The following CHERP variants were observed in gnomAD, a reference collection of about 807,000 sequenced individuals.
CHERP encodes calcium homeostasis endoplasmic reticulum protein.
Under a neutral mutation model 113.8 loss-of-function variants are expected in CHERP, and 8 were observed. That is an observed-to-expected ratio of 0.07 (90% CI 0.04 to 0.13). The LOEUF (loss-of-function observed/expected upper bound fraction) is 0.13, where lower values mean the gene tolerates loss of function less well. Ranked by LOEUF, CHERP falls within the 10% of genes least tolerant of loss-of-function variation. The pLI is 1.00. For synonymous variants in CHERP, 559 were observed against 524.5 expected, an observed-to-expected ratio of 1.07 and a Z score of -0.90; for missense variants, 884 against 1,298.2, an observed-to-expected ratio of 0.68 and a Z score of 4.90.
chr19:16,536,138 C>T (rs1283514048), intron 2 of CHERP, among the ~76,000 whole-genome samples: 7 of 152,352 alleles, frequency 4.6e-5, no homozygotes, highest in East Asian at 3.9e-4. Context: ...CACCCCCGAG[C>T]GCACACTGCG....
intron 5 of CHERP, 182 bp from the exon 6 acceptor site, chr19:16,531,062 C>T (rs1345590953): frequency 2.8e-5 from 31 of 1,096,322 alleles, no homozygotes; most frequent in East Asian, 2.3e-4. Context: ...GAGGAAGGGA[C>T]AGATGGAAAA....
rs371011161 is a variant in CHERP, at chr19:16,523,257, C to T, written c.1775G>A (p.Arg592His). The change falls in exon 11 of 17, where the codon CGC becomes CAC. Residue 592 changes from arginine (R) to histidine (H), a missense_variant. Physicochemically the swap from Arg to His is conservative, Grantham distance 29 (BLOSUM62 0). This residue lies in a region of CHERP where 464 missense variants were observed against 590.1 expected (regional missense o/e 0.79). Transcript: ENST00000546361. This position sits in a 1 kb window ranked among gnomAD's most constrained non-coding sequence, Gnocchi z 4.0. ...CTCGTTGATGCCAGGATGAGGCATG[C>T]GGTGGCCAGGGTGGTGGTGAGGGGG... ...MGPPHHHPGHRMPHPGINEHP... is the reference protein window; with the variant it reads ...MGPPHHHPGHHMPHPGINEHP... The T allele has an allele frequency of 3.1e-6, 5 of 1,602,196 alleles. No homozygotes were observed. Among genetic ancestry groups the T allele is most frequent in the East Asian group, 2.3e-5 (1 of 43,174 alleles).
In CHERP at chr19:16,525,780, G is replaced by A. The variant is rs74324120; in HGVS notation, c.1306-103C>T. ...TCACAGCGCTGGCTCAGACCATGGA[G>A]GCGCTGCCCTGGCCACGTTGAGGCG... On this transcript the variant is annotated intron_variant, in intron 9 of 16. Transcript: ENST00000546361. This position sits in a 1 kb window ranked among gnomAD's most constrained non-coding sequence, Gnocchi z 6.5. The A allele has an allele frequency of 2.4e-3, 2,816 of 1,161,332 alleles. 40 individuals carry two copies. The East Asian group carries it at 0.034, about 14-fold the overall frequency. The allele number at this position is 1,161,332 out of a possible 1,614,324, so 71.9% of individuals were successfully genotyped here.
At position 16,518,410 on chromosome 19, in the gene CHERP, G is replaced by C. The variant is rs1162623184; in HGVS notation, c.*749C>G. The stretch of plus-strand genomic sequence containing the variant: ...AGTGTCTTAGGCTGGTTTCCTGTTA[G>C]AATCTTGTTTCCCAGATAACAGCAA... On this transcript the variant is annotated 3_prime_UTR_variant, in exon 17 of 17. Transcript: ENST00000546361. 6.6e-6 allele frequency: 1 copy of C among 152,112 alleles called. No homozygotes were observed. Among genetic ancestry groups the C allele is most frequent in the African/African-American group, 2.4e-5 (1 of 41,430 alleles). The allele number at this position is 152,112 out of a possible 1,614,324, so 9.4% of individuals were successfully genotyped here. A position where few individuals can be genotyped will look rare whatever the true frequency, so the allele number is the denominator to read the frequency against.
At position 16,520,204 on chromosome 19, in the gene CHERP, T is replaced by TGGACCGGGACCGCGACTG; in HGVS notation, c.2389_2406dup (p.Gln797_Ser802dup). ...CGTCTTCTTCCTGGGGAGTACGACT[T>TGGACCGGGACCGCGACTG]GGACCGGGACCGCGACTGGGACCGG... On this transcript the variant is annotated inframe_insertion, in exon 15 of 17. Coordinates refer to ENST00000546361, the MANE Select transcript of CHERP (RefSeq NM_006387.6). The surrounding 1 kb of genome is among the most constrained non-coding windows in gnomAD (Gnocchi z 4.0). 6.2e-7 allele frequency: 1 copy of TGGACCGGGACCGCGACTG among 1,613,306 alleles called. No homozygotes were observed. Among genetic ancestry groups the TGGACCGGGACCGCGACTG allele is most frequent in the East Asian group, 2.2e-5 (1 of 44,864 alleles).
intron 12 of CHERP, 142 bp downstream of exon 12, chr19:16,521,379 C>T (rs1308401810): frequency 4.3e-6 from 3 of 697,606 alleles, no homozygotes; most frequent in Admixed American, 6.2e-5. Flanking sequence ...GCCTGTGACA[C>T]ACACTTGTCA....
chr19:16,525,152 T>C lies in CHERP; in HGVS notation c.1741+90A>G, dbSNP rs927203407. 7 of 1,229,606 alleles carry C rather than the reference T, an allele frequency of 5.7e-6. No individual in the cohort carries two copies. The highest frequency in any genetic ancestry group is 4.8e-5 in the African/African-American group (3 of 62,312). 76.2% of individuals were successfully genotyped at this position (1,229,606 alleles called of 1,614,324 possible). A position where few individuals can be genotyped will look rare whatever the true frequency, so the allele number is the denominator to read the frequency against. On this transcript the variant is annotated intron_variant, in intron 10 of 16. Transcript: ENST00000546361. This position sits in a 1 kb window ranked among gnomAD's most constrained non-coding sequence, Gnocchi z 6.5. The stretch of plus-strand genomic sequence containing the variant: ...GTCTGTCACTGTGCACTCAGGAGCA[T>C]GGCAGGGCCACAAGCAGCGCCACCA...
At chr19:16,521,431 A>G in intron 12 of CHERP, 90 bp downstream of exon 12, 2 of 1,321,452 alleles carry the variant, frequency 1.5e-6, no homozygotes, top group Non-Finnish European at 2.0e-6. Flanking sequence ...GGACAGCCAC[A>G]TTTTCTAGCC....
chr19:16,521,210 C>T (rs2085611724), intron 12 of CHERP: 1 of 575,322 alleles, frequency 1.7e-6, no homozygotes, highest in Non-Finnish European at 3.1e-6. Flanking sequence ...GACAGGCCTG[C>T]AGCCCAGCAC....
Position 16,520,411 on chromosome 19 carries a change from C to G in CHERP, c.2298G>C (p.Arg766Ser), listed in dbSNP as rs2085600461. Residue 766 changes from arginine (R) to serine (S), a missense_variant, in exon 14 of 17, where the codon AGG becomes AGC. Coordinates refer to ENST00000546361, the MANE Select transcript of CHERP (RefSeq NM_006387.6). The surrounding 1 kb of genome is among the most constrained non-coding windows in gnomAD (Gnocchi z 4.0). ...RSSKSSGSYSRSRSRSCSRSY... is the reference protein window; with the variant it reads ...RSSKSSGSYSSSRSRSCSRSY... ...AACGGGAGCAGGAGCGCGACCTTGA[C>G]CTTGAGTACGAGCCTGAAGACTTGG... is the stretch of plus-strand genomic sequence containing the variant. 6.2e-7 allele frequency: 1 copy of G among 1,613,966 alleles called. No individual in the cohort carries two copies. Among genetic ancestry groups the G allele is most frequent in the Non-Finnish European group, 8.5e-7 (1 of 1,179,996 alleles).
At chr19:16,542,186 A>C in intron 1 of CHERP, 143 bp from the exon 2 acceptor site, 1 of 1,103,804 alleles carries the variant, frequency 9.1e-7, no homozygotes, top group Non-Finnish European at 1.2e-6. Context: ...GGGTCCCGAT[A>C]GGGGCCACAC....
rs991873053 is a variant in CHERP, at chr19:16,533,020, G to A, written c.513C>T (p.Asp171=). The A allele has an allele frequency of 3.8e-6, 6 of 1,567,468 alleles. 1 individual carries two copies. The highest frequency in any genetic ancestry group is 1.4e-5 in the African/African-American group (1 of 73,952). The change falls in exon 4 of 17, where the codon GAC becomes GAT. Residue 171 remains aspartate (D), a synonymous_variant. Transcript: ENST00000546361. ...LQPIIDTCTK[D]AISAGKNWMF... ...AGTGCTGGCCCCTCACCGAGATGGC[G>A]TCCTTGGTGCACGTGTCGATGATGG...
rs1279805684 is a variant in CHERP at position 16,521,633 on chromosome 19, G to A, written c.2002C>T (p.Pro668Ser). The change falls in exon 12 of 17, where the codon CCT becomes TCT. Residue 668 changes from proline (P) to serine (S), a missense_variant. Physicochemically the swap from Pro to Ser is moderately conservative, Grantham distance 74. This residue lies in a region of CHERP where 464 missense variants were observed against 590.1 expected (regional missense o/e 0.79). Coordinates refer to ENST00000546361, the MANE Select transcript of CHERP (RefSeq NM_006387.6). ...AGGCGGATGTCTTTAGGGTCCAAAG[G>A]CTTGTACTCGTGATCTTCCAGCTGC... Reference protein sequence around the residue: ...LVKLEDHEYKPLDPKDIRLPP... With the variant: ...LVKLEDHEYKSLDPKDIRLPP... 4 of 1,597,012 alleles carry A rather than the reference G, an allele frequency of 2.5e-6. No homozygotes were observed. The highest frequency in any genetic ancestry group is 3.4e-6 in the Non-Finnish European group (4 of 1,170,034).
rs1303070731 is a variant in CHERP at position 16,525,435 on chromosome 19, C to T, written c.1548G>A (p.Met516Ile). 1 of 1,530,870 alleles carries T rather than the reference C, an allele frequency of 6.5e-7. No individual in the cohort carries two copies. Among genetic ancestry groups the T allele is most frequent in the East Asian group, 2.4e-5 (1 of 41,012 alleles). 94.8% of individuals were successfully genotyped at this position (1,530,870 alleles called of 1,614,324 possible). ...GCCCCCGGAAGTGTGGGGGCCGCTGCATGCGGAAGGGTGGCTCGCGCTGGC... is the reference window on the plus strand; with the variant it reads ...GCCCCCGGAAGTGTGGGGGCCGCTGTATGCGGAAGGGTGGCTCGCGCTGGC... Reference protein sequence around the residue: ...GGGQREPPFRMQRPPHFRGPF... With the variant: ...GGGQREPPFRIQRPPHFRGPF... The change falls in exon 10 of 17, where the codon ATG (methionine) becomes ATA (isoleucine). Residue 516 changes from methionine to isoleucine, a missense_variant. Transcript: ENST00000546361. The surrounding 1 kb of genome is among the most constrained non-coding windows in gnomAD (Gnocchi z 6.5).
At position 16,517,923 on chromosome 19, in the gene CHERP, A is replaced by T. The variant is rs1475047889; in HGVS notation, c.*1236T>A. The T allele has an allele frequency of 6.6e-6, 1 of 152,308 alleles. No homozygotes were observed. Among genetic ancestry groups the T allele is most frequent in the Non-Finnish European group, 1.5e-5 (1 of 68,110 alleles). 9.4% of individuals were successfully genotyped at this position (152,308 alleles called of 1,614,324 possible). ...TAAAAAAAGGCTTTATTTGAAGGCA[A>T]AACAATGAAATCCACAAGAAATTAC... On this transcript the variant is annotated 3_prime_UTR_variant, in exon 17 of 17. Transcript: ENST00000546361.
At chr19:16,529,931 T>G in intron 7 of CHERP, 31 bp from the exon 8 acceptor site, 7 of 1,598,664 alleles carry the variant, frequency 4.4e-6, no homozygotes, top group Non-Finnish European at 6.0e-6. Context: ...CGCTGCTCAG[T>G]ATGCGGCCTT....
In CHERP at chr19:16,525,509, A is replaced by G. The variant is rs1219954882; in HGVS notation, c.1474T>C (p.Phe492Leu). The change falls in exon 10 of 17, where the codon TTC becomes CTC. Residue 492 changes from phenylalanine (F) to leucine (L), a missense_variant. Phe to Leu is a conservative substitution (Grantham distance 22, BLOSUM62 0). Coordinates refer to ENST00000546361, the MANE Select transcript of CHERP (RefSeq NM_006387.6). This position sits in a 1 kb window ranked among gnomAD's most constrained non-coding sequence, Gnocchi z 6.5. ...TGCTGGCTGTTCCAGGGGCCCTCGA[A>G]CTGGCTGTTCCAGGCGGCGTCGGGC... ...NQPDAAWNSQFEGPWNSQHEQ... is the reference protein window; with the variant it reads ...NQPDAAWNSQLEGPWNSQHEQ... 1 of 1,552,406 alleles carries G rather than the reference A, an allele frequency of 6.4e-7. No homozygotes were observed. The highest frequency in any genetic ancestry group is 8.7e-7 in the Non-Finnish European group (1 of 1,150,686).
chr19:16,525,155 C>G lies in CHERP; in HGVS notation c.1741+87G>C, dbSNP rs183534675. The stretch of plus-strand genomic sequence containing the variant: ...TGTCACTGTGCACTCAGGAGCATGG[C>G]AGGGCCACAAGCAGCGCCACCAGCC... On this transcript the variant is annotated intron_variant, in intron 10 of 16. Coordinates refer to ENST00000546361, the MANE Select transcript of CHERP (RefSeq NM_006387.6). The surrounding 1 kb of genome is among the most constrained non-coding windows in gnomAD (Gnocchi z 6.5). The G allele has an allele frequency of 5.0e-5, 62 of 1,246,650 alleles. No homozygotes were observed. Among genetic ancestry groups the G allele is most frequent in the Middle Eastern group, 5.8e-4 (2 of 3,462 alleles). 77.2% of individuals were successfully genotyped at this position (1,246,650 alleles called of 1,614,324 possible).
Position 16,535,359 on chromosome 19 carries a change from A to G in CHERP, c.384+93T>C. 1 of 1,391,136 alleles carries G rather than the reference A, an allele frequency of 7.2e-7. No individual in the cohort carries two copies. Among genetic ancestry groups the G allele is most frequent in the Non-Finnish European group, 9.8e-7 (1 of 1,019,660 alleles). The allele number at this position is 1,391,136 out of a possible 1,614,324, so 86.2% of individuals were successfully genotyped here. A position where few individuals can be genotyped will look rare whatever the true frequency, so the allele number is the denominator to read the frequency against. ...GGGTGGCAGGGGGGGCCCTGTCCTC[A>G]CTGACACCTGTTATTCATTCTGATG... On this transcript the variant is annotated intron_variant, in intron 3 of 16. Coordinates refer to ENST00000546361, the MANE Select transcript of CHERP (RefSeq NM_006387.6). This position sits in a 1 kb window ranked among gnomAD's most constrained non-coding sequence, Gnocchi z 4.3.
Sources: allele counts gnomAD v4.1 joint callset (sites outside exome capture counted in the v4.1 genomes callset), GRCh38; gene constraint gnomAD v4.1.1; regional missense constraint gnomAD v4.1.1; non-coding constraint Gnocchi (gnomAD v3.1); transcripts MANE v1.5; gene names NCBI Gene and HGNC (gene_info 2026-07-23, HGNC 2026-07-21).